Variants in QPRT observed in about 807,000 individuals in gnomAD.
QPRT encodes nicotinate-nucleotide pyrophosphorylase [carboxylating].
In QPRT, 17 loss-of-function variants were observed where a neutral mutation model predicts 19.8. That is an observed-to-expected ratio of 0.86 (90% confidence interval 0.59 to 1.29). The LOEUF (loss-of-function observed/expected upper bound fraction) is 1.29, where lower values mean the gene tolerates loss of function less well. QPRT is among the 50% of genes most tolerant of loss of function. The pLI, the probability that QPRT is intolerant of heterozygous loss-of-function variation, is 0.00. For synonymous variants in QPRT, 178 were observed against 191.0 expected, an observed-to-expected ratio of 0.93 and a Z score of 0.56; for missense variants, 336 against 405.1, an observed-to-expected ratio of 0.83 and a Z score of 1.46.
chr16:29,693,676 T>C (rs1372173105), intron 1 of QPRT, among the ~76,000 whole-genome samples: 1 of 152,080 alleles, frequency 6.6e-6, no homozygotes, highest in Non-Finnish European at 1.5e-5. Context: ...AACCTCTGCT[T>C]CCCGGGTTCA....
intron 1 of QPRT, among the ~76,000 whole-genome samples, chr16:29,686,159 C>T (rs1967155291): frequency 6.6e-6 from 1 of 152,164 alleles, no homozygotes; most frequent in African/African-American, 2.4e-5. Context: ...TGTGTCCGGC[C>T]AATAAAATGA....
chr16:29,680,688 C>A (rs1966974323), intron 1 of QPRT, among the ~76,000 whole-genome samples: 1 of 152,112 alleles, frequency 6.6e-6, no homozygotes, highest in Non-Finnish European at 1.5e-5. Context: ...CGCCTGTAAT[C>A]CCAGCACTTT....
intron 1 of QPRT, among the ~76,000 whole-genome samples, chr16:29,690,452 G>C (rs1382881954): frequency 6.6e-6 from 1 of 151,860 alleles, no homozygotes. Flanking sequence ...CTCCACGATG[G>C]TTTAACTAAT....
intron 1 of QPRT, among the ~76,000 whole-genome samples, 181 bp downstream of exon 1, chr16:29,679,391 C>A (rs1966923626): frequency 1.3e-5 from 2 of 152,140 alleles, no homozygotes; most frequent in Non-Finnish European, 2.9e-5. Context: ...CCAGAGGCCC[C>A]TTCTCACTCT....
Position 29,695,109 on chromosome 16 carries a change from G to C in QPRT, c.459G>C (p.Leu153=). ...GFRLVEKYGL[L]VGGAASHRYD... The stretch of plus-strand genomic sequence containing the variant: ...GGCTGGTGGAGAAGTATGGGCTCCT[G>C]GTGGGCGGGGCCGCCTCGCACCGCT... The change falls in exon 2 of 4, where the codon CTG becomes CTC. Residue 153 remains leucine, a synonymous_variant. Coordinates refer to ENST00000395384, the MANE Select transcript of QPRT (RefSeq NM_014298.6). 1 of 1,599,710 alleles carries C rather than the reference G, an allele frequency of 6.3e-7. No homozygotes were observed. The highest frequency in any genetic ancestry group is 8.5e-7 in the Non-Finnish European group (1 of 1,174,662).
intron 1 of QPRT, among the ~76,000 whole-genome samples, chr16:29,687,895 C>A (rs535029237): frequency 6.6e-6 from 1 of 151,726 alleles, no homozygotes; most frequent in Non-Finnish European, 1.5e-5. Context: ...GGTGAGAGGA[C>A]CACATGAGCC....
rs141434217 is a variant in QPRT, at chr16:29,681,458, G to T, written c.13+2248G>T. On this transcript the variant is annotated intron_variant, in intron 1 of 3. Transcript: ENST00000395384. ...GAGAACACGGTTACGCATTTTTCTG[G>T]GAAGGAGATCCATAATTTTCATCAG... Among the ~76,000 whole-genome samples the T allele has an allele frequency of 3.1e-3, 468 of 151,204 alleles. 7 individuals are homozygous for T. The highest frequency in any genetic ancestry group is 0.027 in the Admixed American group (414 of 15,062).
chr16:29,694,577 G>C, intron 1 of QPRT, 87 bp from the exon 2 acceptor site: 1 of 1,365,022 alleles, frequency 7.3e-7, no homozygotes. Context: ...CCAGTTCCCA[G>C]TTTCACTGGT....
At chr16:29,690,536 C>T (rs1183258754) in intron 1 of QPRT, among the ~76,000 whole-genome samples, 5 of 143,790 alleles carry the variant, frequency 3.5e-5, no homozygotes, top group African/African-American at 1.3e-4. Context: ...GTCAACTCCT[C>T]CCACTCCCCA....
Position 29,688,159 on chromosome 16 carries a change from T to C in QPRT, c.14-6505T>C, listed in dbSNP as rs1032491681. Among the ~76,000 whole-genome samples, 7 of 151,624 alleles carry C rather than the reference T, an allele frequency of 4.6e-5. 1 individual carries two copies. Among genetic ancestry groups the C allele is most frequent in the Non-Finnish European group, 1.0e-4 (7 of 67,918 alleles). ...GCTGAACTCTACACCATGGGGGTTA[T>C]AGCCAACGAGCAGAGTTGGGGGCAG... On this transcript the variant is annotated intron_variant, in intron 1 of 3. Transcript: ENST00000395384.
At chr16:29,687,769 G>A (rs1967204615) in intron 1 of QPRT, among the ~76,000 whole-genome samples, 1 of 151,058 alleles carries the variant, frequency 6.6e-6, no homozygotes, top group African/African-American at 2.4e-5. Flanking sequence ...AAGTGAGACT[G>A]TCTCAGAAAA....
intron 1 of QPRT, among the ~76,000 whole-genome samples, chr16:29,685,937 G>A (rs1476574074): frequency 5.9e-5 from 9 of 152,132 alleles, no homozygotes; most frequent in Middle Eastern, 3.4e-3. Flanking sequence ...CTCAGCTCAC[G>A]GCAACCTCCA....
chr16:29,690,967 C>T (rs936181200), intron 1 of QPRT, among the ~76,000 whole-genome samples: 6 of 151,672 alleles, frequency 4.0e-5, no homozygotes, highest in South Asian at 2.1e-4. Context: ...GGAATTACGG[C>T]GTGAGCCATG....
rs1967463833 is a variant in QPRT at position 29,694,736 on chromosome 16, G to T, written c.86G>T (p.Gly29Val). 1 of 1,605,192 alleles carries T rather than the reference G, an allele frequency of 6.2e-7. No homozygotes were observed. The highest frequency in any genetic ancestry group is 1.7e-5 in the Admixed American group (1 of 59,408). ...AGCTGGCTCCGAGAGGACTGCCCAG[G>T]GCTCAACTACGCAGCCTTGGTCAGC... The part of the protein sequence containing the change: ...VDSWLREDCP[G>V]LNYAALVSGA... Residue 29 changes from glycine (G) to valine (V), a missense_variant, in exon 2 of 4, where the codon GGG becomes GTG. Transcript: ENST00000395384.
intron 1 of QPRT, among the ~76,000 whole-genome samples, chr16:29,691,467 C>T (rs531964550): frequency 6.7e-6 from 1 of 150,260 alleles, no homozygotes; most frequent in Non-Finnish European, 1.5e-5. Context: ...ATTGCTTAAG[C>T]CTGGGAGTTC....
chr16:29,696,668 C>T, intron 2 of QPRT: 1 of 220,508 alleles, frequency 4.5e-6, no homozygotes, highest in Non-Finnish European at 8.9e-6. Flanking sequence ...GTAGTCCCAG[C>T]TACTCGGGAG....
chr16:29,680,536 G>T (rs1211584075), intron 1 of QPRT, among the ~76,000 whole-genome samples: 1 of 152,142 alleles, frequency 6.6e-6, no homozygotes, highest in East Asian at 1.9e-4. Flanking sequence ...CAAACCCAGG[G>T]GTCCATGCTC....
rs1162909353 is a variant in QPRT, at chr16:29,694,872, C to T, written c.222C>T (p.Phe74=). Reference sequence around the variant, plus strand: ...AACTCAACTGCCAAGTCTCCTGGTTCCTCCCCGAGGGATCGAAGCTGGTGC... The same window carrying T: ...AACTCAACTGCCAAGTCTCCTGGTTTCTCCCCGAGGGATCGAAGCTGGTGC... ...FTQLNCQVSW[F]LPEGSKLVPV... is the part of the protein sequence containing the mutation. The change falls in exon 2 of 4, where the codon TTC becomes TTT. Residue 74 remains phenylalanine, a synonymous_variant. Transcript: ENST00000395384. The T allele has an allele frequency of 1.2e-6, 2 of 1,614,000 alleles. No individual in the cohort carries two copies. The highest frequency in any genetic ancestry group is 2.2e-5 in the East Asian group (1 of 44,888).
At chr16:29,691,319 C>G (rs994585938) in intron 1 of QPRT, among the ~76,000 whole-genome samples, 1 of 126,322 alleles carries the variant, frequency 7.9e-6, no homozygotes. Context: ...GAGGTGACAT[C>G]AGGCCACTTC....
Sources: gnomAD v4.1 joint callset for allele counts (sites outside exome capture counted in the v4.1 genomes callset) on GRCh38, gnomAD v4.1.1 for gene constraint, MANE v1.5 for transcripts, NCBI Gene and HGNC (gene_info 2026-07-23, HGNC 2026-07-21) for gene names.